The following PHIP variants were observed in gnomAD, a reference collection of about 807,000 sequenced individuals.
PHIP encodes the protein PHIP subunit of CUL4-Ring ligase complex.
A neutral mutation model predicts 236.8 loss-of-function variants in PHIP; 54 were observed. The ratio of observed to expected loss-of-function variants is 0.23; its 90% confidence interval spans 0.18 to 0.29. PHIP has a LOEUF of 0.29. PHIP is among the 10% of genes least tolerant of loss of function. The probability of loss-of-function intolerance (pLI) is 1.00; values close to 1 mark genes in which losing one functional copy is unlikely to be tolerated. For missense variants in PHIP, 1,370 were observed against 2,190.8 expected (o/e 0.63, Z 7.48); for synonymous variants, 756 against 718.9 (o/e 1.05, Z -0.83).
chr6:79,020,573 A>C (rs148856247), intron 9 of PHIP, among the ~76,000 whole-genome samples: 1 of 152,228 alleles, frequency 6.6e-6, no homozygotes, highest in East Asian at 1.9e-4. Flanking sequence ...ATCTGCTCAC[A>C]TAAGTTCCAA....
In PHIP at chr6:79,008,717, A is replaced by C. The variant is rs559118397; in HGVS notation, c.1525-4859T>G. On this transcript the variant is annotated intron_variant, in intron 15 of 39. Transcript: ENST00000275034. Reference sequence around the variant, plus strand: ...TATATACTATAAGAAACACTTCAACACTTTCTTCTTTTTACTCCTAGCCCC... The same window carrying C: ...TATATACTATAAGAAACACTTCAACCCTTTCTTCTTTTTACTCCTAGCCCC... Among the ~76,000 whole-genome samples the C allele has an allele frequency of 6.5e-4, 99 of 152,164 alleles. 2 individuals carry two copies. The South Asian group carries it at 0.02, about 31-fold the overall frequency.
chr6:79,021,745 G>A (rs1436228011), intron 9 of PHIP, among the ~76,000 whole-genome samples: 2 of 152,208 alleles, frequency 1.3e-5, no homozygotes, highest in African/African-American at 4.8e-5. Flanking sequence ...GGAGGAAGAG[G>A]AGGGAGGTGG....
chr6:78,968,467 G>A (rs1277344819), intron 27 of PHIP, among the ~76,000 whole-genome samples: 1 of 152,174 alleles, frequency 6.6e-6, no homozygotes, highest in African/African-American at 2.4e-5. Flanking sequence ...CCATGAATAT[G>A]GAAGGGCCAA....
chr6:78,940,636 C>T lies in PHIP; in HGVS notation c.*57G>A. ...CAAGGAAGCAGAAGCCTTAGTTCTA[C>T]TTATTCCTTAACTGTACCTGCTTTA... On this transcript the variant is annotated 3_prime_UTR_variant, in exon 40 of 40. Transcript: ENST00000275034. 1 of 953,544 alleles carries T rather than the reference C, an allele frequency of 1.0e-6. No homozygotes were observed. Among genetic ancestry groups the T allele is most frequent in the East Asian group, 5.5e-5 (1 of 18,202 alleles). The allele number at this position is 953,544 out of a possible 1,614,324, so 59.1% of individuals were successfully genotyped here.
At chr6:79,047,163 C>G (rs747368750) in intron 6 of PHIP, among the ~76,000 whole-genome samples, 1 of 152,060 alleles carries the variant, frequency 6.6e-6, no homozygotes, top group Non-Finnish European at 1.5e-5. Context: ...TTCAGAACAG[C>G]CTTTGAAATA....
chr6:78,934,941 C>T lies in PHIP; in HGVS notation c.*5752G>A, dbSNP rs1773213217. On this transcript the variant is annotated 3_prime_UTR_variant, in exon 40 of 40. Coordinates refer to ENST00000275034, the MANE Select transcript of PHIP (RefSeq NM_017934.7). ...CACCATTCTTTTCCCAAAGACTAAT[C>T]AGTAAGTGGTAAATGTGTTAAATTT... Among the ~76,000 whole-genome samples, 1 of 152,136 alleles carries T rather than the reference C, an allele frequency of 6.6e-6. No individual in the cohort carries two copies.
At chr6:78,988,183 A>C (rs779463154) in intron 21 of PHIP, 26 bp downstream of exon 21, 2 of 1,478,672 alleles carry the variant, frequency 1.4e-6, no homozygotes, top group Non-Finnish European at 1.8e-6. Context: ...AATGACATCT[A>C]ATTTATGAAT....
chr6:79,054,743 G>C (rs1772986895), intron 6 of PHIP, among the ~76,000 whole-genome samples: 1 of 151,348 alleles, frequency 6.6e-6, no homozygotes, highest in South Asian at 2.1e-4. Flanking sequence ...AAAAAACCTT[G>C]ATTGAATAAA....
intron 6 of PHIP, among the ~76,000 whole-genome samples, chr6:79,059,625 A>ATATATATATATATATAT (rs1562216779): frequency 4.6e-4 from 27 of 58,124 alleles, no homozygotes; most frequent in African/African-American, 6.3e-4. Context: ...ATATATATAT[A>ATATATATATATATATAT]AAAATGCCAA....
At position 79,060,843 on chromosome 6, in the gene PHIP, T is replaced by C. The variant is rs111590806; in HGVS notation, c.190-25A>G. 25 of 1,449,798 alleles carry C rather than the reference T, an allele frequency of 1.7e-5. No individual in the cohort carries two copies. The African/African-American group carries it at 3.2e-4, about 18-fold the overall frequency. 89.8% of individuals were successfully genotyped at this position (1,449,798 alleles called of 1,614,324 possible). A position where few individuals can be genotyped will look rare whatever the true frequency, so the allele number is the denominator to read the frequency against. On this transcript the variant is annotated intron_variant, in intron 4 of 39. Transcript: ENST00000275034. ...CCTATTATGTAAAAGACAAATATAG[T>C]AGGTTTCAGTTTATCATTTTAATTT...
At chr6:78,977,072 C>G (rs1224431734) in intron 24 of PHIP, among the ~76,000 whole-genome samples, 14 of 136,780 alleles carry the variant, frequency 1.0e-4, no homozygotes, top group African/African-American at 3.9e-4. Context: ...AAGACACATG[C>G]ACACGTATGT....
intron 21 of PHIP, among the ~76,000 whole-genome samples, chr6:78,986,040 C>T (rs181502218): frequency 2.0e-5 from 3 of 152,180 alleles, no homozygotes; most frequent in African/African-American, 2.4e-5. Flanking sequence ...TCCATATTTA[C>T]ATTTGAAATT....
At chr6:79,050,214 G>GAAC (rs1486488956) in intron 6 of PHIP, among the ~76,000 whole-genome samples, 7 of 152,100 alleles carry the variant, frequency 4.6e-5, no homozygotes, top group African/African-American at 1.7e-4. Flanking sequence ...AAAGGCTACA[G>GAAC]AACACTCTTA....
intron 29 of PHIP, among the ~76,000 whole-genome samples, chr6:78,965,290 A>G (rs1463504701): frequency 6.6e-6 from 1 of 152,122 alleles, no homozygotes; most frequent in East Asian, 1.9e-4. Context: ...GCTTTATGGA[A>G]CTTGCCAAGA....
chr6:78,941,393 T>A, intron 39 of PHIP, 63 bp from the exon 40 acceptor site: 1 of 1,159,300 alleles, frequency 8.6e-7, no homozygotes, highest in South Asian at 1.5e-5. Context: ...CTCTCAAACT[T>A]GTCAGTAAGG....
chr6:78,946,388 A>G (rs1773819532), intron 37 of PHIP, 128 bp from the exon 38 acceptor site: 1 of 1,384,622 alleles, frequency 7.2e-7, no homozygotes, highest in Non-Finnish European at 9.5e-7. Flanking sequence ...TTTATAGTGG[A>G]TTTCATATGA....
intron 27 of PHIP, 52 bp from the exon 28 acceptor site, chr6:78,966,108 A>C (rs1473087854): frequency 8.9e-7 from 1 of 1,121,952 alleles, no homozygotes; most frequent in East Asian, 2.3e-5. Context: ...GGCTGCTGTC[A>C]CTGCTTTTTC....
intron 29 of PHIP, among the ~76,000 whole-genome samples, chr6:78,964,178 T>G (rs1054940819): frequency 6.6e-6 from 1 of 152,152 alleles, no homozygotes; most frequent in African/African-American, 2.4e-5. Flanking sequence ...ACCAATTGAT[T>G]TAAGATATTT....
chr6:78,990,082 TG>T (rs1311208802), intron 20 of PHIP, among the ~76,000 whole-genome samples: 1 of 152,014 alleles, frequency 6.6e-6, no homozygotes, highest in Non-Finnish European at 1.5e-5. Context: ...AAAACTCAAA[TG>T]AAAAAAAGGA....
Sources: gnomAD v4.1 joint callset for allele counts (sites outside exome capture counted in the v4.1 genomes callset) on GRCh38, gnomAD v4.1.1 for gene constraint, MANE v1.5 for transcripts, NCBI Gene and HGNC (gene_info 2026-07-23, HGNC 2026-07-21) for gene names.